The following TECTA variants were observed in gnomAD, a reference collection of about 807,000 sequenced individuals.
The protein encoded by TECTA is tectorin alpha.
TECTA carries 128 observed loss-of-function variants against 216.8 expected under a neutral mutation model. That is an observed-to-expected ratio of 0.59 (90% confidence interval 0.51 to 0.68). The LOEUF is 0.68. TECTA is among the 30% of genes least tolerant of loss of function. The pLI is 0.00. For missense variants in TECTA, 2,551 were observed against 2,786.2 expected (o/e 0.92, Z 1.90); for synonymous variants, 1,089 against 1,117.1 (o/e 0.97, Z 0.50).
At chr11:121,168,973 AT>A in intron 20 of TECTA, 48 bp downstream of exon 20, 1 of 1,613,376 alleles carries the variant, frequency 6.2e-7, no homozygotes, top group Non-Finnish European at 8.5e-7. Flanking sequence ...CAGGTATAAT[AT>A]TGTCCTCATC....
At chr11:121,173,982 C>T (rs1947139269) in intron 20 of TECTA, among the ~76,000 whole-genome samples, 1 of 151,894 alleles carries the variant, frequency 6.6e-6, no homozygotes. Context: ...CATGATTTGG[C>T]TCTCTGTTTG....
At position 121,172,021 on chromosome 11, in the gene TECTA, T is replaced by A. The variant is rs77483686; in HGVS notation, c.5999+3096T>A. On this transcript the variant is annotated intron_variant, in intron 20 of 23. Transcript: ENST00000392793. ...CAGCTTTTCTCCGTTCAGTATGATATTATCTGTGGGTTTGTCATATATGAC... is the reference window on the plus strand; with the variant it reads ...CAGCTTTTCTCCGTTCAGTATGATAATATCTGTGGGTTTGTCATATATGAC... Among the ~76,000 whole-genome samples, 54 of 152,286 alleles carry A rather than the reference T, an allele frequency of 3.5e-4. No individual in the cohort carries two copies. The East Asian group carries it at 9.1e-3, about 26-fold the overall frequency.
intron 12 of TECTA, 53 bp downstream of exon 12, chr11:121,146,169 C>T (rs989923974): frequency 1.3e-6 from 2 of 1,591,542 alleles, no homozygotes; most frequent in African/African-American, 2.7e-5. Context: ...CTTGATTGCT[C>T]TGGGAAGGCC....
chr11:121,103,020 G>C (rs904561133), intron 2 of TECTA, among the ~76,000 whole-genome samples: 4 of 152,186 alleles, frequency 2.6e-5, no homozygotes, highest in Admixed American at 2.6e-4. Context: ...TCCATTAAAA[G>C]TAGATAAGAT....
intron 20 of TECTA, among the ~76,000 whole-genome samples, chr11:121,178,469 A>G (rs1947191806): frequency 7.1e-6 from 1 of 141,352 alleles, no homozygotes; most frequent in Admixed American, 7.2e-5. Context: ...GTTTGCTAGT[A>G]TTTTCTTGAG....
At chr11:121,180,409 G>C (rs1434163370) in intron 20 of TECTA, among the ~76,000 whole-genome samples, 1 of 151,962 alleles carries the variant, frequency 6.6e-6, no homozygotes, top group Non-Finnish European at 1.5e-5. Context: ...TGATTAGCAG[G>C]TTTTTTTTAT....
intron 3 of TECTA, 95 bp downstream of exon 3, chr11:121,106,059 G>T: frequency 2.5e-6 from 4 of 1,595,094 alleles, no homozygotes; most frequent in Non-Finnish European, 3.4e-6. Flanking sequence ...AGAGCTCTGG[G>T]AAGGGAGGAT....
Position 121,128,070 on chromosome 11 carries a change from T to C in TECTA, c.2093T>C (p.Val698Ala), listed in dbSNP as rs1348681051. 2.5e-6 allele frequency: 4 copies of C among 1,612,706 alleles called. No homozygotes were observed. The East Asian group carries it at 8.9e-5, about 36-fold the overall frequency. Residue 698 changes from valine (V) to alanine (A), a missense_variant, in exon 9 of 24, where the codon GTG becomes GCG. Coordinates refer to ENST00000392793, the MANE Select transcript of TECTA (RefSeq NM_005422.4). ...KTCGSGEVCA[V>A]EDGYQGCFPK... ...TGCGGCAGCGGGGAGGTGTGCGCCGTGGAGGACGGCTACCAGGGCTGCTTC... is the reference window on the plus strand; with the variant it reads ...TGCGGCAGCGGGGAGGTGTGCGCCGCGGAGGACGGCTACCAGGGCTGCTTC...
intron 20 of TECTA, among the ~76,000 whole-genome samples, chr11:121,186,822 T>C (rs1006326872): frequency 2.0e-4 from 30 of 152,236 alleles, no homozygotes; most frequent in African/African-American, 7.0e-4. Context: ...GTCACCCTTT[T>C]TATCTTTATC....
intron 20 of TECTA, among the ~76,000 whole-genome samples, 174 bp downstream of exon 20, chr11:121,169,099 C>A (rs563335475): frequency 6.6e-6 from 1 of 152,268 alleles, no homozygotes; most frequent in East Asian, 1.9e-4. Flanking sequence ...ATATTATAGG[C>A]CTCATTTTAC....
intron 22 of TECTA, 81 bp downstream of exon 22, chr11:121,189,248 G>A: frequency 4.3e-6 from 6 of 1,410,546 alleles, no homozygotes; most frequent in Non-Finnish European, 6.0e-6. Context: ...CCTCTGATGT[G>A]GGTCCAGTGG....
rs1946626115 is a variant in TECTA, at chr11:121,127,670, A to G, written c.1775-82A>G. 3 of 1,501,192 alleles carry G rather than the reference A, an allele frequency of 2.0e-6. No individual in the cohort carries two copies. In the South Asian group the frequency reaches 3.4e-5, roughly 17 times the overall value. The allele number at this position is 1,501,192 out of a possible 1,614,324, so 93.0% of individuals were successfully genotyped here. A position where few individuals can be genotyped will look rare whatever the true frequency, so the allele number is the denominator to read the frequency against. On this transcript the variant is annotated intron_variant, in intron 8 of 23. Transcript: ENST00000392793. The surrounding 1 kb of genome is among the most constrained non-coding windows in gnomAD (Gnocchi z 5.0). ...CCTCACTCTAGGAACTAAATGATCCAGGAGGAGCGTTAAGATTCTGGCGGG... is the reference window on the plus strand; with the variant it reads ...CCTCACTCTAGGAACTAAATGATCCGGGAGGAGCGTTAAGATTCTGGCGGG...
intron 12 of TECTA, among the ~76,000 whole-genome samples, chr11:121,150,382 A>G (rs1429558942): frequency 1.3e-5 from 2 of 152,256 alleles, no homozygotes; most frequent in African/African-American, 4.8e-5. Flanking sequence ...ACAGAAAAAA[A>G]TTAAATCACA....
Position 121,127,826 on chromosome 11 carries a change from C to T in TECTA, c.1849C>T (p.Leu617=), listed in dbSNP as rs1216197638. The change falls in exon 9 of 24, where the codon CTG becomes TTG. Residue 617 remains leucine (L), a synonymous_variant. Transcript: ENST00000392793. This position sits in a 1 kb window ranked among gnomAD's most constrained non-coding sequence, Gnocchi z 5.0. ...CAGCTGCCCCGACACATGCTCCGAC[C>T]TGACGGCCTCGCGGAACTGCGCCAC... ...TSSCPDTCSD[L]TASRNCATPC... 1.2e-6 allele frequency: 2 copies of T among 1,614,202 alleles called. No individual in the cohort carries two copies. The highest frequency in any genetic ancestry group is 3.3e-5 in the Admixed American group (2 of 60,030).
chr11:121,115,398 A>G (rs1444216792), intron 6 of TECTA, among the ~76,000 whole-genome samples: 2 of 152,224 alleles, frequency 1.3e-5, no homozygotes, highest in Non-Finnish European at 2.9e-5. Context: ...TGACATTACT[A>G]TGGTAGAGGA....
In TECTA at chr11:121,158,186, G is replaced by A. The variant is rs1452561308; in HGVS notation, c.4651G>A (p.Glu1551Lys). Reference sequence around the variant, plus strand: ...TTCGCCCGTCTACTTCTACATTAACGAAGAGCAGATTCTCATCAACGACCG... The same window carrying A: ...TTCGCCCGTCTACTTCTACATTAACAAAGAGCAGATTCTCATCAACGACCG... ...IISPVYFYIN[E>K]EQILINDRNT... The change falls in exon 14 of 24, where the codon GAA (glutamate) becomes AAA (lysine). Residue 1551 changes from glutamate (E) to lysine (K), a missense_variant. Coordinates refer to ENST00000392793, the MANE Select transcript of TECTA (RefSeq NM_005422.4). 4.3e-6 allele frequency: 7 copies of A among 1,613,760 alleles called. No homozygotes were observed. Among genetic ancestry groups the A allele is most frequent in the Non-Finnish European group, 5.9e-6 (7 of 1,180,038 alleles).
At chr11:121,179,761 C>T (rs1399062484) in intron 20 of TECTA, among the ~76,000 whole-genome samples, 1 of 152,082 alleles carries the variant, frequency 6.6e-6, no homozygotes, top group Non-Finnish European at 1.5e-5. Context: ...GTCCTTTCTT[C>T]ATTATGTAAT....
chr11:121,109,618 A>G, intron 4 of TECTA, 120 bp downstream of exon 4: 1 of 1,274,454 alleles, frequency 7.8e-7, no homozygotes, highest in Non-Finnish European at 1.1e-6. Flanking sequence ...CTTGAGTTAA[A>G]CTAATGAGTT....
intron 10 of TECTA, among the ~76,000 whole-genome samples, chr11:121,136,218 C>T (rs1279422392): frequency 6.6e-6 from 1 of 152,182 alleles, no homozygotes; most frequent in African/African-American, 2.4e-5. Context: ...GCCTCAGCCT[C>T]CCAAAGTGCT....
Sources: gnomAD v4.1 joint callset for allele counts (sites outside exome capture counted in the v4.1 genomes callset) on GRCh38, gnomAD v4.1.1 for gene constraint, Gnocchi (gnomAD v3.1) non-coding constraint, MANE v1.5 for transcripts, NCBI Gene and HGNC (gene_info 2026-07-23, HGNC 2026-07-21) for gene names.